MMP16: variants seen among roughly 807,000 people sequenced by gnomAD.
MMP16 encodes the protein matrix metalloproteinase-16.
MMP16 carries 12 observed loss-of-function variants against 67.8 expected under a neutral mutation model. The ratio of observed to expected loss-of-function variants is 0.18; its 90% CI spans 0.11 to 0.29. The LOEUF is 0.29. Ranked by LOEUF, MMP16 falls within the 10% of genes least tolerant of loss-of-function variation. The probability of loss-of-function intolerance (pLI) is 1.00; values close to 1 mark genes in which losing one functional copy is unlikely to be tolerated. For missense variants in MMP16, 475 were observed against 765.7 expected (o/e 0.62, Z 4.48); for synonymous variants, 249 against 255.9 (o/e 0.97, Z 0.26).
chr8:88,068,254 GTTGT>G (rs966028062), intron 7 of MMP16, among the ~76,000 whole-genome samples: 5 of 152,000 alleles, frequency 3.3e-5, no homozygotes, highest in East Asian at 1.9e-4. Flanking sequence ...TTTTTATTGA[GTTGT>G]TTGTTTTCTT....
At chr8:88,214,121 A>G (rs1809552000) in intron 1 of MMP16, among the ~76,000 whole-genome samples, 1 of 152,282 alleles carries the variant, frequency 6.6e-6, no homozygotes, top group South Asian at 2.1e-4. Flanking sequence ...TGACTCCTCC[A>G]TGTATAGCTC....
chr8:88,255,880 A>G (rs1810293474), intron 1 of MMP16, among the ~76,000 whole-genome samples: 1 of 152,100 alleles, frequency 6.6e-6, no homozygotes, highest in African/African-American at 2.4e-5. Flanking sequence ...AATCATTTAG[A>G]TCCCAATTTC....
At position 88,056,243 on chromosome 8, in the gene MMP16, G is replaced by C; in HGVS notation, c.1258C>G (p.Gln420Glu). 6.3e-7 allele frequency: 1 copy of C among 1,594,624 alleles called. No homozygotes were observed. Among genetic ancestry groups the C allele is most frequent in the South Asian group, 1.1e-5 (1 of 88,362 alleles). Residue 420 changes from glutamine to glutamate, a missense_variant, in exon 8 of 10, where the codon CAA becomes GAA. Transcript: ENST00000286614. ...KYWVFKDTTL[Q>E]PGYPHDLITL... ...ATCAAGTCATGAGGGTAACCAGGTT[G>C]AAGAGTTGTATCCTTGAACACCCAA... is the stretch of plus-strand genomic sequence containing the variant.
chr8:88,302,968 A>C (rs1811127960), intron 1 of MMP16, among the ~76,000 whole-genome samples: 1 of 152,164 alleles, frequency 6.6e-6, no homozygotes, highest in Non-Finnish European at 1.5e-5. Flanking sequence ...GTATGATCCC[A>C]CTCGGGAAAC....
At chr8:88,306,101 G>A (rs1221838595) in intron 1 of MMP16, among the ~76,000 whole-genome samples, 3 of 151,382 alleles carry the variant, frequency 2.0e-5, no homozygotes, top group Non-Finnish European at 2.9e-5. Flanking sequence ...ATGATAAGGG[G>A]GATGTCACCA....
chr8:88,144,112 G>C (rs1441140853), intron 4 of MMP16, among the ~76,000 whole-genome samples: 2 of 151,688 alleles, frequency 1.3e-5, no homozygotes, highest in Non-Finnish European at 2.9e-5. Flanking sequence ...CTTTAAACAG[G>C]GGCTATTGAC....
At chr8:88,247,277 C>T (rs971034046) in intron 1 of MMP16, among the ~76,000 whole-genome samples, 2 of 152,126 alleles carry the variant, frequency 1.3e-5, no homozygotes, top group South Asian at 2.1e-4. Context: ...TGTGATAACT[C>T]AAGTATAAAT....
chr8:88,138,075 C>G (rs562088057), intron 4 of MMP16, among the ~76,000 whole-genome samples: 1 of 151,758 alleles, frequency 6.6e-6, no homozygotes, highest in Admixed American at 6.6e-5. Context: ...AATTCCAACA[C>G]CTGAATCATG....
At chr8:88,183,206 G>T (rs986458268) in intron 3 of MMP16, among the ~76,000 whole-genome samples, 1 of 152,152 alleles carries the variant, frequency 6.6e-6, no homozygotes, top group Admixed American at 6.5e-5. Flanking sequence ...AACTTAAGTG[G>T]TAATAATGTA....
At chr8:88,301,280 T>A (rs1811094922) in intron 1 of MMP16, among the ~76,000 whole-genome samples, 1 of 152,132 alleles carries the variant, frequency 6.6e-6, no homozygotes, top group Non-Finnish European at 1.5e-5. Context: ...TACCTCCTCC[T>A]CATTTCCTCT....
At chr8:88,081,973 C>T (rs73694232) in intron 6 of MMP16, among the ~76,000 whole-genome samples, 2 of 151,928 alleles carry the variant, frequency 1.3e-5, no homozygotes, top group African/African-American at 4.8e-5. Flanking sequence ...TAAATGTTTT[C>T]GAGAACCAAC....
chr8:88,150,357 G>C (rs1221797179), intron 4 of MMP16, among the ~76,000 whole-genome samples: 42 of 79,880 alleles, frequency 5.3e-4, no homozygotes, highest in Admixed American at 8.7e-4. Flanking sequence ...AGGAAATACA[G>C]AGAACGCCAC....
chr8:88,311,033 T>C (rs1273495791), intron 1 of MMP16, among the ~76,000 whole-genome samples: 1 of 152,170 alleles, frequency 6.6e-6, no homozygotes, highest in African/African-American at 2.4e-5. Flanking sequence ...TGAAGTAAGA[T>C]ATTAATAAAA....
chr8:88,241,755 C>G (rs945787792), intron 1 of MMP16, among the ~76,000 whole-genome samples: 1 of 151,890 alleles, frequency 6.6e-6, no homozygotes, highest in East Asian at 1.9e-4. Context: ...TTATGAAGTA[C>G]AGTGTGATAT....
At chr8:88,100,989 AG>A (rs1398552067) in intron 6 of MMP16, among the ~76,000 whole-genome samples, 1 of 121,512 alleles carries the variant, frequency 8.2e-6, no homozygotes, top group Non-Finnish European at 1.7e-5. Context: ...GGGTGAGGGG[AG>A]GGGGGAGGGA....
intron 1 of MMP16, among the ~76,000 whole-genome samples, chr8:88,241,783 GATCAA>G (rs1279269043): frequency 6.6e-6 from 1 of 151,940 alleles, no homozygotes; most frequent in Non-Finnish European, 1.5e-5. Context: ...CATGTGTAAT[GATCAA>G]ATCAGAGTAA....
At chr8:88,161,926 G>T (rs145077863) in intron 4 of MMP16, among the ~76,000 whole-genome samples, 60 of 152,092 alleles carry the variant, frequency 3.9e-4, no homozygotes, top group African/African-American at 1.1e-3. Context: ...GAGACAGTTT[G>T]TTATAATTTC....
At chr8:88,124,770 G>A (rs1056279329) in intron 4 of MMP16, among the ~76,000 whole-genome samples, 1 of 151,944 alleles carries the variant, frequency 6.6e-6, no homozygotes, top group Non-Finnish European at 1.5e-5. Context: ...CAACCAAAAT[G>A]TACTTTCTCA....
intron 7 of MMP16, among the ~76,000 whole-genome samples, chr8:88,074,127 T>C (rs1052374430): frequency 5.9e-5 from 9 of 152,216 alleles, no homozygotes; most frequent in Admixed American, 2.6e-4. Flanking sequence ...ATACATTTCA[T>C]GATACTGATA....
Sources: gnomAD v4.1 joint callset for allele counts (sites outside exome capture counted in the v4.1 genomes callset) on GRCh38, gnomAD v4.1.1 for gene constraint, MANE v1.5 for transcripts, NCBI Gene and HGNC (gene_info 2026-07-23, HGNC 2026-07-21) for gene names.